TEAD4: variants seen among roughly 807,000 people sequenced by gnomAD.
The protein encoded by TEAD4 is transcriptional enhancer factor TEF-3.
In TEAD4, 36 loss-of-function variants were observed where a neutral mutation model predicts 52.4. The observed-to-expected ratio is 0.69, with a 90% CI of 0.53 to 0.91. The LOEUF (loss-of-function observed/expected upper bound fraction) is 0.91. Ranked by LOEUF, TEAD4 falls within the 40% of genes least tolerant of loss-of-function variation. The pLI is 0.00. For synonymous variants in TEAD4, 220 were observed against 231.0 expected (o/e 0.95, Z 0.43); for missense variants, 508 against 583.9 (o/e 0.87, Z 1.34).
chr12:3,001,101 C>G (rs1380531155), intron 3 of TEAD4, among the ~76,000 whole-genome samples: 2 of 152,244 alleles, frequency 1.3e-5, no homozygotes, highest in East Asian at 1.9e-4. Context: ...CAAATCTACT[C>G]TGTCCCTGAG....
chr12:3,018,433 C>A, intron 6 of TEAD4, 112 bp from the exon 7 acceptor site: 1 of 1,297,260 alleles, frequency 7.7e-7, no homozygotes, highest in Non-Finnish European at 1.1e-6. Context: ...AGGCCTCGGG[C>A]TCCAGCCTCT....
At chr12:2,960,251 G>T in intron 2 of TEAD4, 1 of 978,248 alleles carries the variant, frequency 1.0e-6, no homozygotes, top group Non-Finnish European at 1.2e-6. Context: ...GTGTGGAAAG[G>T]ACCGGAGAGG....
intron 2 of TEAD4, among the ~76,000 whole-genome samples, chr12:2,982,921 A>G (rs2098235286): frequency 6.6e-6 from 1 of 152,150 alleles, no homozygotes; most frequent in African/African-American, 2.4e-5. Flanking sequence ...GATGGTGCTC[A>G]CTTCACCAGG....
In TEAD4 at chr12:3,017,056, T is replaced by A. The variant is rs112648104; in HGVS notation, c.355-342T>A. The A allele has an allele frequency of 1.8e-3, 837 of 477,668 alleles. 7 individuals are homozygous for A. The highest frequency in any genetic ancestry group is 0.015 in the African/African-American group (772 of 51,138). 29.6% of individuals were successfully genotyped at this position (477,668 alleles called of 1,614,324 possible). ...TCCAGCAGATATTCATGCATCGTTT[T>A]CACAAGACAGGTGCTGAGCTAGGCA... On this transcript the variant is annotated intron_variant, in intron 5 of 12. Coordinates refer to ENST00000359864, the MANE Select transcript of TEAD4 (RefSeq NM_003213.4).
chr12:3,020,701 C>T lies in TEAD4; in HGVS notation c.651C>T (p.Arg217=). 1 of 1,609,446 alleles carries T rather than the reference C, an allele frequency of 6.2e-7. No individual in the cohort carries two copies. Among genetic ancestry groups the T allele is most frequent in the Non-Finnish European group, 8.5e-7 (1 of 1,177,908 alleles). Residue 217 remains arginine (R), a synonymous_variant, in exon 9 of 13, where the codon CGC becomes CGT. Transcript: ENST00000359864. ...CCCCGGCACCCCCATGGCAGGGCCG[C>T]AGCGTGGCCAGCTCCAAGCTCTGGA... is the stretch of plus-strand genomic sequence containing the variant.
chr12:2,981,609 C>T (rs771561951), intron 2 of TEAD4, among the ~76,000 whole-genome samples: 5 of 152,314 alleles, frequency 3.3e-5, no homozygotes, highest in Non-Finnish European at 7.3e-5. Flanking sequence ...AGTCTGAGCC[C>T]CATGAAGGTC....
rs2098242635 is a variant in TEAD4, at chr12:2,991,128, GT to G, written c.-29-3608del. Among the ~76,000 whole-genome samples the G allele has an allele frequency of 2.0e-5, 3 of 152,290 alleles. 1 individual carries two copies. The Middle Eastern group carries it at 0.01, about 518-fold the overall frequency. ...GCAGGAGGATCTCTTGAACCCATGA[GT>G]TCAGTGCTGTACTAAGCTATGATCT... On this transcript the variant is annotated intron_variant, in intron 2 of 12. Transcript: ENST00000359864.
At chr12:2,967,689 G>T (rs1183784426) in intron 2 of TEAD4, among the ~76,000 whole-genome samples, 1 of 152,188 alleles carries the variant, frequency 6.6e-6, no homozygotes. Context: ...TGCCTGTTAG[G>T]TGCTAGACCA....
chr12:2,963,591 C>T (rs982433482), intron 2 of TEAD4, among the ~76,000 whole-genome samples: 6 of 152,184 alleles, frequency 3.9e-5, no homozygotes, highest in African/African-American at 1.4e-4. Context: ...AGAACACGGT[C>T]TCCAGCTCCT....
intron 2 of TEAD4, among the ~76,000 whole-genome samples, chr12:2,975,377 T>G (rs1452654259): frequency 1.4e-5 from 2 of 145,906 alleles, no homozygotes; most frequent in South Asian, 4.3e-4. Context: ...TTATTATTAT[T>G]ATTATTATTA....
At chr12:3,026,452 C>T (rs575845804) in intron 10 of TEAD4, among the ~76,000 whole-genome samples, 34 of 152,210 alleles carry the variant, frequency 2.2e-4, no homozygotes, top group Non-Finnish European at 4.4e-4. Context: ...GACCTGGCTT[C>T]TCTCTATCTG....
chr12:3,034,634 T>A lies in TEAD4; in HGVS notation c.898-3334T>A, dbSNP rs558111758. On this transcript the variant is annotated intron_variant, in intron 10 of 12. Transcript: ENST00000359864. ...GATGGCACGTGAATATGCATTTTTT[T>A]AAATAGTTAAGTAGTTGCCCAGGCT... 2.2e-4 allele frequency among the ~76,000 whole-genome samples: 34 copies of A among 152,308 alleles called. 1 individual carries two copies. Among genetic ancestry groups the A allele is most frequent in the African/African-American group, 7.9e-4 (33 of 41,560 alleles).
At chr12:3,001,741 C>G (rs1353718733) in intron 3 of TEAD4, among the ~76,000 whole-genome samples, 3 of 151,304 alleles carry the variant, frequency 2.0e-5, no homozygotes, top group Non-Finnish European at 4.4e-5. Flanking sequence ...CATGCCACTG[C>G]ACTCCAGCCT....
At chr12:2,983,318 ATC>A (rs2098235612) in intron 2 of TEAD4, among the ~76,000 whole-genome samples, 1 of 152,128 alleles carries the variant, frequency 6.6e-6, no homozygotes, top group Admixed American at 6.6e-5. Context: ...TCACTATGTC[ATC>A]TCTCCTGCGG....
intron 2 of TEAD4, among the ~76,000 whole-genome samples, chr12:2,986,923 C>T (rs913461654): frequency 6.6e-6 from 1 of 152,150 alleles, no homozygotes; most frequent in Admixed American, 6.5e-5. Context: ...TCTTATGGGA[C>T]CCCCTTTGAA....
intron 3 of TEAD4, among the ~76,000 whole-genome samples, chr12:2,999,013 G>T (rs527923393): frequency 7.9e-5 from 12 of 152,344 alleles, no homozygotes; most frequent in African/African-American, 2.9e-4. Context: ...AGGCAGGACT[G>T]CGTGGGGACT....
intron 2 of TEAD4, among the ~76,000 whole-genome samples, chr12:2,975,993 G>A (rs1217722591): frequency 7.8e-6 from 1 of 128,918 alleles, no homozygotes; most frequent in Non-Finnish European, 1.6e-5. Flanking sequence ...TTTCCTCCAT[G>A]TCTTTTCATA....
rs916174852 is a variant in TEAD4, at chr12:3,038,243, G to C, written c.1038+135G>C. On this transcript the variant is annotated intron_variant, in intron 11 of 12. Transcript: ENST00000359864. ...TCCCTTGTTGCCTTCCCTGTCTGCT[G>C]TCAGTGCTGTGTGCCTCCCACACTC... The C allele has an allele frequency of 1.1e-5, 13 of 1,200,456 alleles. No individual in the cohort carries two copies. In the South Asian group the frequency reaches 1.2e-4, roughly 11 times the overall value. The allele number at this position is 1,200,456 out of a possible 1,614,324, so 74.4% of individuals were successfully genotyped here. A position where few individuals can be genotyped will look rare whatever the true frequency, so the allele number is the denominator to read the frequency against.
intron 10 of TEAD4, among the ~76,000 whole-genome samples, chr12:3,029,364 G>A (rs10774100): frequency 0.74 from 111,187 of 151,250 alleles, 46,710 homozygotes; most frequent in East Asian, 0.94. Context: ...CAGCCTCCCA[G>A]GTAGCTGGGA....
Sources: allele counts gnomAD v4.1 joint callset (sites outside exome capture counted in the v4.1 genomes callset), GRCh38; gene constraint gnomAD v4.1.1; transcripts MANE v1.5; gene names NCBI Gene and HGNC (gene_info 2026-07-23, HGNC 2026-07-21).